The following TNFRSF10A variants were observed in gnomAD, a reference collection of about 807,000 sequenced individuals.
TNFRSF10A encodes the protein tumor necrosis factor receptor superfamily member 10A.
Under a neutral mutation model 42.8 loss-of-function variants are expected in TNFRSF10A, and 44 were observed. The observed-to-expected ratio is 1.03, with a 90% CI of 0.81 to 1.32. The LOEUF is 1.32. TNFRSF10A is among the 40% of genes most tolerant of loss of function. The pLI, the probability that TNFRSF10A is intolerant of heterozygous loss-of-function variation, is 0.00. For synonymous variants in TNFRSF10A, 259 were observed against 234.2 expected, an observed-to-expected ratio of 1.11 and a Z score of -0.97; for missense variants, 680 against 602.0, an observed-to-expected ratio of 1.13 and a Z score of -1.36.
intron 9 of TNFRSF10A, among the ~76,000 whole-genome samples, chr8:23,196,498 C>T (rs1026532828): frequency 6.6e-6 from 1 of 152,098 alleles, no homozygotes; most frequent in Non-Finnish European, 1.5e-5. Context: ...GCCCGGCCCA[C>T]ATTGTTACAT....
rs190569951 is a variant in TNFRSF10A at position 23,197,068 on chromosome 8, A to G, written c.1087+64T>C. 1.7e-5 allele frequency: 28 copies of G among 1,600,884 alleles called. No homozygotes were observed. In the African/African-American group the frequency reaches 3.5e-4, roughly 20 times the overall value. On this transcript the variant is annotated intron_variant, in intron 9 of 9. Transcript: ENST00000221132. ...GAAGAGCACTCTCAGCAATGGGGACACCAGTTAGGACACCGTCCCTATTCC... is the reference window on the plus strand; with the variant it reads ...GAAGAGCACTCTCAGCAATGGGGACGCCAGTTAGGACACCGTCCCTATTCC...
At chr8:23,224,130 G>C (rs1461695214) in intron 1 of TNFRSF10A, among the ~76,000 whole-genome samples, 6 of 151,406 alleles carry the variant, frequency 4.0e-5, no homozygotes, top group Non-Finnish European at 7.4e-5. Flanking sequence ...GAAACCCCGT[G>C]ACTACTAAAA....
intron 1 of TNFRSF10A, among the ~76,000 whole-genome samples, chr8:23,213,600 A>G (rs546490348): frequency 1.1e-4 from 8 of 74,416 alleles, no homozygotes; most frequent in African/African-American, 2.6e-4. Flanking sequence ...GGCGCCCGCC[A>G]CCATGCCCAG....
intron 1 of TNFRSF10A, among the ~76,000 whole-genome samples, chr8:23,220,374 C>G (rs942032764): frequency 6.6e-6 from 1 of 152,216 alleles, no homozygotes. Context: ...CTCTCTTTAG[C>G]AAAGTAGAAA....
intron 2 of TNFRSF10A, 21 bp from the exon 3 acceptor site, chr8:23,202,782 CAATG>C: frequency 6.4e-7 from 1 of 1,559,744 alleles, no homozygotes; most frequent in South Asian, 1.1e-5. Context: ...AGAGAAAAGC[CAATG>C]AATGAATTGC....
At position 23,222,963 on chromosome 8, in the gene TNFRSF10A, G is replaced by T. The variant is rs537959288; in HGVS notation, c.306+1793C>A. 1.1e-4 allele frequency among the ~76,000 whole-genome samples: 17 copies of T among 152,252 alleles called. No individual in the cohort carries two copies. In the South Asian group the frequency reaches 3.5e-3, roughly 32 times the overall value. On this transcript the variant is annotated intron_variant, in intron 1 of 9. Coordinates refer to ENST00000221132, the MANE Select transcript of TNFRSF10A (RefSeq NM_003844.4). ...TCACCACCAGTGGAAGTTTCCTGAG[G>T]CCTCACCAGAGGCAGATGCTGGTGG...
Position 23,200,517 on chromosome 8 carries a change from A to G in TNFRSF10A, c.787T>C (p.Cys263Arg). Residue 263 changes from cysteine to arginine, a missense_variant, in exon 6 of 10, where the codon TGC becomes CGC. By Grantham distance (180) the Cys-to-Arg change is radical. Transcript: ENST00000221132. ...LLVAVLIVCC[C>R]IGSGCGGDPK... Reference sequence around the variant, plus strand: ...AGCCAGCACCTACCTGAGCCGATGCAACAACAGACAATCAGCACAGCCACC... The same window carrying G: ...AGCCAGCACCTACCTGAGCCGATGCGACAACAGACAATCAGCACAGCCACC... 1 of 1,614,214 alleles carries G rather than the reference A, an allele frequency of 6.2e-7. No individual in the cohort carries two copies. The highest frequency in any genetic ancestry group is 1.6e-4 in the Middle Eastern group (1 of 6,062).
intron 7 of TNFRSF10A, 80 bp from the exon 8 acceptor site, chr8:23,199,528 G>A: frequency 6.6e-7 from 1 of 1,518,464 alleles, no homozygotes; most frequent in Admixed American, 1.9e-5. Context: ...TGGACCTGCT[G>A]CCACCACCCC....
intron 2 of TNFRSF10A, among the ~76,000 whole-genome samples, 172 bp from the exon 3 acceptor site, chr8:23,202,933 G>A (rs931247750): frequency 2.0e-5 from 3 of 152,098 alleles, no homozygotes; most frequent in Admixed American, 1.3e-4. Flanking sequence ...TCTGACTGGC[G>A]CTGCTGACAG....
At chr8:23,215,494 C>T (rs1477326514) in intron 1 of TNFRSF10A, among the ~76,000 whole-genome samples, 2 of 151,086 alleles carry the variant, frequency 1.3e-5, no homozygotes, top group African/African-American at 4.9e-5. Context: ...CATGACAGAG[C>T]GAGACTCCGA....
chr8:23,205,764 G>A (rs1800996399), intron 2 of TNFRSF10A, among the ~76,000 whole-genome samples: 1 of 146,106 alleles, frequency 6.8e-6, no homozygotes, highest in Admixed American at 7.1e-5. Flanking sequence ...AGGCTGGAGT[G>A]CAGTGGCGCA....
rs143256810 is a variant in TNFRSF10A, at chr8:23,214,613, A to G, written c.307-2401T>C. 1.2e-4 allele frequency among the ~76,000 whole-genome samples: 19 copies of G among 152,256 alleles called. No homozygotes were observed. In the East Asian group the frequency reaches 3.1e-3, roughly 25 times the overall value. ...GGAAAAGATAGTTTGTTTTATTTCA[A>G]TTTTTAAAATTGTATTAAGACTTGT... On this transcript the variant is annotated intron_variant, in intron 1 of 9. Coordinates refer to ENST00000221132, the MANE Select transcript of TNFRSF10A (RefSeq NM_003844.4).
intron 1 of TNFRSF10A, among the ~76,000 whole-genome samples, chr8:23,218,125 G>C (rs1386475943): frequency 1.3e-5 from 2 of 152,026 alleles, no homozygotes; most frequent in Non-Finnish European, 1.5e-5. Flanking sequence ...CACAGATTTG[G>C]GCTCATGGGG....
At position 23,199,886 on chromosome 8, in the gene TNFRSF10A, C is replaced by G; in HGVS notation, c.831G>C (p.Arg277Ser). ...CCAGCTCCTGGAGAAATCAACTCAC[C>G]CTGTCCATGCACTTGGGGTCCCCTC... ...GCGGDPKCMD[R>S]VCFWRLGLLR... The change falls in exon 7 of 10, where the codon AGG becomes AGC. Residue 277 changes from arginine (R) to serine (S), a missense_variant and splice_region_variant. Transcript: ENST00000221132. 1 of 1,614,172 alleles carries G rather than the reference C, an allele frequency of 6.2e-7. No individual in the cohort carries two copies. Among genetic ancestry groups the G allele is most frequent in the Non-Finnish European group, 8.5e-7 (1 of 1,180,018 alleles).
In TNFRSF10A at chr8:23,191,497, A is replaced by C. The variant is rs181853334; in HGVS notation, c.*197T>G. 1 of 685,714 alleles carries C rather than the reference A, an allele frequency of 1.5e-6. No individual in the cohort carries two copies. Among genetic ancestry groups the C allele is most frequent in the African/African-American group, 1.8e-5 (1 of 55,524 alleles). The allele number at this position is 685,714 out of a possible 1,614,324, so 42.5% of individuals were successfully genotyped here. On this transcript the variant is annotated 3_prime_UTR_variant, in exon 10 of 10. Coordinates refer to ENST00000221132, the MANE Select transcript of TNFRSF10A (RefSeq NM_003844.4). ...TATTTTTTTGTAAAGACGGCATTTC[A>C]CGATGTTGGTCAGGCTGGTCTTGAA...
chr8:23,211,365 T>C (rs1380218051), intron 2 of TNFRSF10A, among the ~76,000 whole-genome samples: 1 of 152,192 alleles, frequency 6.6e-6, no homozygotes, highest in African/African-American at 2.4e-5. Context: ...AAATTTATAG[T>C]CTGCAAACTA....
At position 23,200,798 on chromosome 8, in the gene TNFRSF10A, T is replaced by C. The variant is rs371468631; in HGVS notation, c.630-38A>G. 5.2e-5 allele frequency: 83 copies of C among 1,583,678 alleles called. No individual in the cohort carries two copies. In the African/African-American group the frequency reaches 9.9e-4, roughly 19 times the overall value. ...AGGGAGGGAGGGGGGGGACTCTTGA[T>C]GGAAAGCTGGCCAGGTGGGATGAAA... On this transcript the variant is annotated intron_variant, in intron 4 of 9. Transcript: ENST00000221132.
At chr8:23,193,446 A>G (rs1800781704) in intron 9 of TNFRSF10A, among the ~76,000 whole-genome samples, 1 of 152,246 alleles carries the variant, frequency 6.6e-6, no homozygotes. Context: ...CCCAGACAGC[A>G]GGATCTGCTC....
intron 2 of TNFRSF10A, among the ~76,000 whole-genome samples, chr8:23,210,543 G>A (rs6999619): frequency 6.6e-5 from 10 of 152,058 alleles, no homozygotes; most frequent in East Asian, 5.8e-4. Context: ...TTAGCTGGGC[G>A]TGGTGGCAGG....
Sources: allele counts gnomAD v4.1 joint callset (sites outside exome capture counted in the v4.1 genomes callset), GRCh38; gene constraint gnomAD v4.1.1; transcripts MANE v1.5; gene names NCBI Gene and HGNC (gene_info 2026-07-23, HGNC 2026-07-21).